The following DPYD variants were observed in gnomAD, a reference collection of about 807,000 sequenced individuals.
DPYD encodes dihydropyrimidine dehydrogenase [NADP(+)].
DPYD carries 109 observed loss-of-function variants against 116.2 expected under a neutral mutation model. The ratio of observed to expected loss-of-function variants is 0.94; its 90% CI spans 0.80 to 1.10. The LOEUF is 1.10. DPYD is among the 50% of genes least tolerant of loss of function. The pLI is 0.00. For missense variants in DPYD, 1,302 were observed against 1,254.5 expected, an observed-to-expected ratio of 1.04 and a Z score of -0.57; for synonymous variants, 440 against 432.0, an observed-to-expected ratio of 1.02 and a Z score of -0.23.
intron 8 of DPYD, among the ~76,000 whole-genome samples, chr1:97,666,469 T>C (rs1005541279): frequency 1.3e-5 from 2 of 152,266 alleles, no homozygotes; most frequent in African/African-American, 4.8e-5. Flanking sequence ...CCTTCTGTGT[T>C]TTAATTCTTG....
At chr1:97,526,014 T>TGTGTGTGTGTGC (rs1415950667) in intron 12 of DPYD, among the ~76,000 whole-genome samples, 3 of 151,672 alleles carry the variant, frequency 2.0e-5, no homozygotes, top group Non-Finnish European at 4.4e-5. Flanking sequence ...TGTGTGTGTG[T>TGTGTGTGTGTGC]GTTTCTATAA....
At chr1:97,657,768 C>T (rs1460648701) in intron 8 of DPYD, among the ~76,000 whole-genome samples, 1 of 152,098 alleles carries the variant, frequency 6.6e-6, no homozygotes, top group African/African-American at 2.4e-5. Context: ...ACATCAATAA[C>T]GTGTTCCAAT....
At chr1:97,815,032 A>T (rs1366976704) in intron 3 of DPYD, among the ~76,000 whole-genome samples, 1 of 151,232 alleles carries the variant, frequency 6.6e-6, no homozygotes, top group Non-Finnish European at 1.5e-5. Context: ...AGGAGGAAGG[A>T]AGGAAGGAGA....
At chr1:97,414,118 AAAAG>A (rs1674160476) in intron 14 of DPYD, among the ~76,000 whole-genome samples, 1 of 152,160 alleles carries the variant, frequency 6.6e-6, no homozygotes, top group East Asian at 1.9e-4. Context: ...CAAAAAAACT[AAAAG>A]AACAGTAAAA....
intron 14 of DPYD, among the ~76,000 whole-genome samples, chr1:97,429,897 CAAT>C (rs1675079588): frequency 6.6e-6 from 1 of 151,890 alleles, no homozygotes; most frequent in Admixed American, 6.6e-5. Flanking sequence ...GGGGGGTAAT[CAAT>C]AATCAAAATC....
At chr1:97,548,392 T>A (rs1651060727) in intron 12 of DPYD, among the ~76,000 whole-genome samples, 1 of 152,188 alleles carries the variant, frequency 6.6e-6, no homozygotes, top group Admixed American at 6.5e-5. Flanking sequence ...TCACATCTCA[T>A]CATTTCACAT....
rs572208011 is a variant in DPYD at position 97,845,950 on chromosome 1, G to A, written c.151-17754C>T. On this transcript the variant is annotated intron_variant, in intron 2 of 22. Transcript: ENST00000370192. ...ACCAGTGCCTGGAGCTGCCCACCCTGCTGCAGCAGCAAGCATCCCTGGCTG... is the reference window on the plus strand; with the variant it reads ...ACCAGTGCCTGGAGCTGCCCACCCTACTGCAGCAGCAAGCATCCCTGGCTG... Among the ~76,000 whole-genome samples, 3 of 152,324 alleles carry A rather than the reference G, an allele frequency of 2.0e-5. No homozygotes were observed. The South Asian group carries it at 6.2e-4, about 32-fold the overall frequency.
chr1:97,351,550 T>A (rs918438190), intron 16 of DPYD, among the ~76,000 whole-genome samples: 9 of 152,030 alleles, frequency 5.9e-5, no homozygotes, highest in Admixed American at 4.6e-4. Flanking sequence ...AGGTTAAAAT[T>A]ATAAAGGACA....
intron 8 of DPYD, among the ~76,000 whole-genome samples, chr1:97,627,118 G>C (rs776937275): frequency 5.9e-5 from 9 of 151,840 alleles, no homozygotes; most frequent in Non-Finnish European, 1.2e-4. Flanking sequence ...TCCACTCTCA[G>C]GTCCTCATCA....
chr1:97,705,226 C>T (rs1211557780), intron 5 of DPYD, among the ~76,000 whole-genome samples: 3 of 151,960 alleles, frequency 2.0e-5, no homozygotes, highest in African/African-American at 7.3e-5. Flanking sequence ...TGGTGTGCTG[C>T]ACCCATTAAC....
chr1:97,173,222 GTA>G (rs1656880464), intron 20 of DPYD, among the ~76,000 whole-genome samples: 8 of 96,326 alleles, frequency 8.3e-5, no homozygotes, highest in Non-Finnish European at 1.2e-4. Context: ...ACACATATAC[GTA>G]CATATATGCG....
At chr1:97,853,875 C>A (rs566232081) in intron 2 of DPYD, among the ~76,000 whole-genome samples, 4 of 152,144 alleles carry the variant, frequency 2.6e-5, no homozygotes, top group Non-Finnish European at 5.9e-5. Context: ...ATAAACCAGT[C>A]CATGTGGAGG....
At chr1:97,172,559 A>C (rs912938117) in intron 20 of DPYD, among the ~76,000 whole-genome samples, 1 of 152,172 alleles carries the variant, frequency 6.6e-6, no homozygotes, top group Non-Finnish European at 1.5e-5. Context: ...TAAATTTATC[A>C]CTTCATTATC....
chr1:97,438,301 A>T (rs577938027), intron 14 of DPYD, among the ~76,000 whole-genome samples: 210 of 152,198 alleles, frequency 1.4e-3, no homozygotes, highest in African/African-American at 4.8e-3. Context: ...CCATAGATAA[A>T]AATGGGAAGA....
intron 13 of DPYD, among the ~76,000 whole-genome samples, chr1:97,466,366 T>C (rs80175316): frequency 0.011 from 1,746 of 152,284 alleles, 12 homozygotes; most frequent in Non-Finnish European, 0.017. Context: ...ATAAGGAACA[T>C]CATCATGGTG....
chr1:97,253,211 C>T (rs907799978), intron 18 of DPYD, among the ~76,000 whole-genome samples: 3 of 152,104 alleles, frequency 2.0e-5, no homozygotes, highest in African/African-American at 7.2e-5. Flanking sequence ...ACACAAATAG[C>T]ACTGTAATAA....
intron 8 of DPYD, among the ~76,000 whole-genome samples, chr1:97,654,374 CTA>C (rs1658772588): frequency 6.6e-6 from 1 of 152,002 alleles, no homozygotes; most frequent in Non-Finnish European, 1.5e-5. Context: ...TTAAGGAATT[CTA>C]TGACATCAGC....
At chr1:97,415,659 G>A (rs1381059638) in intron 14 of DPYD, among the ~76,000 whole-genome samples, 2 of 152,062 alleles carry the variant, frequency 1.3e-5, no homozygotes, top group Admixed American at 1.3e-4. Flanking sequence ...TGCTTCCTGA[G>A]TTGTCCATAT....
chr1:97,838,810 AGT>A (rs1169823159), intron 2 of DPYD, among the ~76,000 whole-genome samples: 1 of 152,150 alleles, frequency 6.6e-6, no homozygotes, highest in East Asian at 1.9e-4. Flanking sequence ...GCGCCACTGC[AGT>A]CCGCAGTCCG....
Sources: gnomAD v4.1 joint callset for allele counts (sites outside exome capture counted in the v4.1 genomes callset) on GRCh38, gnomAD v4.1.1 for gene constraint, MANE v1.5 for transcripts, NCBI Gene and HGNC (gene_info 2026-07-23, HGNC 2026-07-21) for gene names.